CPEB3: variants seen among roughly 807,000 people sequenced by gnomAD.
CPEB3 encodes the protein cytoplasmic polyadenylation element binding protein 3, also known as cytoplasmic polyadenylation element-binding protein 3.
A neutral mutation model predicts 67.2 loss-of-function variants in CPEB3; 20 were observed. The ratio of observed to expected loss-of-function variants is 0.30; its 90% CI spans 0.21 to 0.43. The LOEUF is 0.43. Ranked by LOEUF, CPEB3 falls within the 20% of genes least tolerant of loss-of-function variation. CPEB3 has a pLI of 1.00. For synonymous variants in CPEB3, 376 were observed against 393.1 expected (o/e 0.96, Z 0.51); for missense variants, 746 against 968.6 (o/e 0.77, Z 3.05).
intron 1 of CPEB3, among the ~76,000 whole-genome samples, chr10:92,273,784 G>A (rs1295059271): frequency 6.6e-6 from 1 of 152,158 alleles, no homozygotes. Context: ...GAGCTATCAT[G>A]CCTAGGTGAG....
intron 6 of CPEB3, among the ~76,000 whole-genome samples, chr10:92,133,222 A>C (rs1169035713): frequency 6.6e-6 from 1 of 152,184 alleles, no homozygotes; most frequent in African/African-American, 2.4e-5. Context: ...AAATCAATGA[A>C]TCCAGGAGCT....
intron 7 of CPEB3, 106 bp from the exon 8 acceptor site, chr10:92,092,050 A>G (rs1324913033): frequency 1.1e-5 from 8 of 731,860 alleles, no homozygotes; most frequent in Admixed American, 5.2e-5. Flanking sequence ...CACAATGAAC[A>G]TGACCCAAAC....
chr10:92,062,810 C>T (rs766247717), intron 9 of CPEB3, among the ~76,000 whole-genome samples: 2 of 152,204 alleles, frequency 1.3e-5, no homozygotes, highest in Non-Finnish European at 2.9e-5. Flanking sequence ...GATCACGTTA[C>T]TGATCTATAT....
intron 1 of CPEB3, among the ~76,000 whole-genome samples, chr10:92,288,249 C>T (rs904399408): frequency 2.0e-5 from 3 of 152,050 alleles, no homozygotes; most frequent in Non-Finnish European, 4.4e-5. Context: ...CATTTGTGCT[C>T]ATGAGTTCGA....
chr10:92,247,794 G>A (rs1009451478), intron 1 of CPEB3, among the ~76,000 whole-genome samples: 1 of 152,184 alleles, frequency 6.6e-6, no homozygotes, highest in Non-Finnish European at 1.5e-5. Context: ...TTACAGGTGT[G>A]AGCCAACGCA....
intron 4 of CPEB3, among the ~76,000 whole-genome samples, chr10:92,172,958 G>A (rs77188356): frequency 0.013 from 2,023 of 152,214 alleles, 30 homozygotes; most frequent in African/African-American, 0.046. Flanking sequence ...AAATTAAGGT[G>A]GACTGGATAT....
chr10:92,118,912 C>T lies in CPEB3; in HGVS notation c.1454-7718G>A, dbSNP rs113590118. Reference sequence around the variant, plus strand: ...TGAGGGCAGGGGCCTCTCTTTTTGGCATGTCAGCCCTGTTACTCCCTGGGA... The same window carrying T: ...TGAGGGCAGGGGCCTCTCTTTTTGGTATGTCAGCCCTGTTACTCCCTGGGA... On this transcript the variant is annotated intron_variant, in intron 6 of 9. Coordinates refer to ENST00000265997, the MANE Select transcript of CPEB3 (RefSeq NM_014912.5). The T allele has an allele frequency of 1.1e-4, 116 of 1,022,340 alleles. 2 individuals carry two copies. The highest frequency in any genetic ancestry group is 1.1e-3 in the Middle Eastern group (5 of 4,628). 63.3% of individuals were successfully genotyped at this position (1,022,340 alleles called of 1,614,324 possible).
chr10:92,115,579 G>GA (rs1416531765), intron 6 of CPEB3, among the ~76,000 whole-genome samples: 2 of 152,168 alleles, frequency 1.3e-5, no homozygotes, highest in African/African-American at 4.8e-5. Context: ...TTTATGTTCT[G>GA]AAAAATAGTC....
At chr10:92,278,818 C>A (rs1357371253) in intron 1 of CPEB3, among the ~76,000 whole-genome samples, 1 of 152,024 alleles carries the variant, frequency 6.6e-6, no homozygotes, top group Non-Finnish European at 1.5e-5. Context: ...CCAGGATGGT[C>A]TCGATCTCCT....
Position 92,052,058 on chromosome 10 carries a change from A to AAAT in CPEB3, c.*151_*153dup, listed in dbSNP as rs754890583. 56 of 591,558 alleles carry AAAT rather than the reference A, an allele frequency of 9.5e-5. No homozygotes were observed. Among genetic ancestry groups the AAAT allele is most frequent in the Middle Eastern group, 4.5e-4 (1 of 2,224 alleles). 36.6% of individuals were successfully genotyped at this position (591,558 alleles called of 1,614,324 possible). A position where few individuals can be genotyped will look rare whatever the true frequency, so the allele number is the denominator to read the frequency against. ...ACACTGAGTTCAGTAATATGACTGT[A>AAAT]AATAATAATAATAATAATAAAAAGA... is the stretch of plus-strand genomic sequence containing the variant. On this transcript the variant is annotated 3_prime_UTR_variant, in exon 10 of 10. Coordinates refer to ENST00000265997, the MANE Select transcript of CPEB3 (RefSeq NM_014912.5).
At chr10:92,111,813 G>A (rs769946828) in intron 6 of CPEB3, among the ~76,000 whole-genome samples, 2 of 152,200 alleles carry the variant, frequency 1.3e-5, no homozygotes, top group Non-Finnish European at 2.9e-5. Flanking sequence ...TGTATGGTAT[G>A]TGAATGATAT....
rs189267006 is a variant in CPEB3, at chr10:92,082,463, A to G, written c.1688-962T>C. Among the ~76,000 whole-genome samples the G allele has an allele frequency of 4.6e-5, 7 of 152,166 alleles. No homozygotes were observed. The East Asian group carries it at 1.4e-3, about 29-fold the overall frequency. ...TTGGCTAATTTTTTGTATTTTTAGT[A>G]GAGATGGGGTTTCACCATGTTGGCC... On this transcript the variant is annotated intron_variant, in intron 8 of 9. Transcript: ENST00000265997.
At chr10:92,194,130 A>G (rs117578329) in intron 2 of CPEB3, among the ~76,000 whole-genome samples, 1,827 of 151,182 alleles carry the variant, frequency 0.012, 17 homozygotes, top group Non-Finnish European at 0.02. Flanking sequence ...AGTTACATAT[A>G]TTGGATACAC....
intron 6 of CPEB3, among the ~76,000 whole-genome samples, chr10:92,141,643 AT>A (rs1006915160): frequency 4.6e-5 from 7 of 151,004 alleles, no homozygotes; most frequent in Non-Finnish European, 1.0e-4. Flanking sequence ...ATAATAAAAA[AT>A]AATAATAATA....
Position 92,177,003 on chromosome 10 carries a change from C to G in CPEB3, c.1222+3960G>C, listed in dbSNP as rs148931088. Among the ~76,000 whole-genome samples the G allele has an allele frequency of 1.8e-3, 275 of 152,230 alleles. 1 individual carries two copies. The highest frequency in any genetic ancestry group is 6.4e-3 in the African/African-American group (267 of 41,534). Reference sequence around the variant, plus strand: ...GAGTTAGTGTATTTTATTTGTGGCCCAGGACAATTATTCTTCCAATGTGGC... The same window carrying G: ...GAGTTAGTGTATTTTATTTGTGGCCGAGGACAATTATTCTTCCAATGTGGC... On this transcript the variant is annotated intron_variant, in intron 4 of 9. Transcript: ENST00000265997.
intron 6 of CPEB3, among the ~76,000 whole-genome samples, chr10:92,132,671 T>C (rs1289433594): frequency 1.3e-5 from 2 of 152,188 alleles, no homozygotes; most frequent in Non-Finnish European, 2.9e-5. Context: ...GCAGAACTAA[T>C]AGACGTCTAC....
rs146681676 is a variant in CPEB3, at chr10:92,246,466, C to T, written c.-11-6105G>A. ...ATAATCCTTCATAACATCCTTACAG[C>T]TTTAAGAAATAGATTTTTTAAATTA... is the stretch of plus-strand genomic sequence containing the variant. On this transcript the variant is annotated intron_variant, in intron 1 of 9. Coordinates refer to ENST00000265997, the MANE Select transcript of CPEB3 (RefSeq NM_014912.5). Among the ~76,000 whole-genome samples the T allele has an allele frequency of 3.3e-3, 496 of 151,948 alleles. 3 individuals are homozygous for T. The highest frequency in any genetic ancestry group is 0.012 in the African/African-American group (481 of 41,432).
At chr10:92,205,977 T>C (rs546116240) in intron 2 of CPEB3, among the ~76,000 whole-genome samples, 1 of 152,236 alleles carries the variant, frequency 6.6e-6, no homozygotes, top group East Asian at 1.9e-4. Flanking sequence ...ATTTGGTATT[T>C]AGAAGGTTAA....
At chr10:92,073,960 A>C (rs1842849084) in intron 9 of CPEB3, among the ~76,000 whole-genome samples, 1 of 152,192 alleles carries the variant, frequency 6.6e-6, no homozygotes, top group Non-Finnish European at 1.5e-5. Context: ...TGAACAGCGA[A>C]ATCTAAATTT....
Sources: gnomAD v4.1 joint callset for allele counts (sites outside exome capture counted in the v4.1 genomes callset) on GRCh38, gnomAD v4.1.1 for gene constraint, MANE v1.5 for transcripts, NCBI Gene and HGNC (gene_info 2026-07-23, HGNC 2026-07-21) for gene names.